SPTBN1: variants seen among roughly 807,000 people sequenced by gnomAD.
SPTBN1 encodes spectrin beta chain, non-erythrocytic 1.
SPTBN1 carries 32 observed loss-of-function variants against 266.4 expected under a neutral mutation model. The ratio of observed to expected loss-of-function variants is 0.12; its 90% CI spans 0.09 to 0.16. The LOEUF is 0.16. Ranked by LOEUF, SPTBN1 falls within the 10% of genes least tolerant of loss-of-function variation. The pLI, the probability that SPTBN1 is intolerant of heterozygous loss-of-function variation, is 1.00. For missense variants in SPTBN1, 2,296 were observed against 3,067.1 expected (o/e 0.75, Z 5.94); for synonymous variants, 1,336 against 1,162.2 (o/e 1.15, Z -3.04).
At position 54,624,983 on chromosome 2, in the gene SPTBN1, A is replaced by G. The variant is rs776937447; in HGVS notation, c.1341+21A>G. 3 of 1,561,310 alleles carry G rather than the reference A, an allele frequency of 1.9e-6. No individual in the cohort carries two copies. The South Asian group carries it at 3.7e-5, about 19-fold the overall frequency. The stretch of plus-strand genomic sequence containing the variant: ...CTCAGGTTCTGCTCTTGACATTATT[A>G]AAAAGACTGTTGCTAGGGTAATCTA... On this transcript the variant is annotated intron_variant, in intron 11 of 35. Transcript: ENST00000356805.
chr2:54,662,108 G>A (rs1000748271), intron 32 of SPTBN1: 107 of 985,206 alleles, frequency 1.1e-4, no homozygotes, highest in Admixed American at 1.8e-4. Context: ...TAAGTATCTC[G>A]GGTGTGCCCA....
At chr2:54,650,940 A>G (rs1157103256) in intron 26 of SPTBN1, among the ~76,000 whole-genome samples, 1 of 152,202 alleles carries the variant, frequency 6.6e-6, no homozygotes, top group Admixed American at 6.5e-5. Flanking sequence ...GACCACCTTG[A>G]TAGTTGTTCT....
rs1456386581 is a variant in SPTBN1, at chr2:54,671,281, T to C, written c.*2712T>C. ...ACTGTGCTTCTTACAATTCCTGGCA[T>C]CTTGAGTAGGTGAAACACTGTATCA... is the stretch of plus-strand genomic sequence containing the variant. On this transcript the variant is annotated 3_prime_UTR_variant, in exon 36 of 36. Transcript: ENST00000356805. The C allele has an allele frequency of 6.5e-6, 1 of 152,842 alleles. No individual in the cohort carries two copies. Among genetic ancestry groups the C allele is most frequent in the Non-Finnish European group, 1.5e-5 (1 of 68,530 alleles). The allele number at this position is 152,842 out of a possible 1,614,324, so 9.5% of individuals were successfully genotyped here. A position where few individuals can be genotyped will look rare whatever the true frequency, so the allele number is the denominator to read the frequency against.
chr2:54,556,089 A>T (rs1672850358), intron 2 of SPTBN1, among the ~76,000 whole-genome samples: 1 of 152,230 alleles, frequency 6.6e-6, no homozygotes, highest in Admixed American at 6.5e-5. Flanking sequence ...AAATACTGTA[A>T]ATACAGAACA....
intron 17 of SPTBN1, among the ~76,000 whole-genome samples, chr2:54,633,823 C>A (rs1245188592): frequency 6.6e-6 from 1 of 152,174 alleles, no homozygotes; most frequent in Non-Finnish European, 1.5e-5. Context: ...GGGGATTACT[C>A]TGTTTCCAAT....
chr2:54,577,210 A>G (rs1478609230), intron 2 of SPTBN1, among the ~76,000 whole-genome samples: 1 of 152,202 alleles, frequency 6.6e-6, no homozygotes, highest in Non-Finnish European at 1.5e-5. Flanking sequence ...TGGACAAGTG[A>G]CTTGCATTTC....
chr2:54,488,888 A>C (rs947003035), intron 1 of SPTBN1, among the ~76,000 whole-genome samples: 1 of 152,198 alleles, frequency 6.6e-6, no homozygotes, highest in African/African-American at 2.4e-5. Context: ...AATAAGTGCC[A>C]TGGCAAAAAT....
At chr2:54,518,672 C>T (rs191771252) in intron 1 of SPTBN1, among the ~76,000 whole-genome samples, 122 of 152,254 alleles carry the variant, frequency 8.0e-4, no homozygotes, top group Non-Finnish European at 1.4e-3. Flanking sequence ...GTTTGCAGAA[C>T]ATTTGGGTCT....
At chr2:54,576,544 G>A (rs945244886) in intron 2 of SPTBN1, among the ~76,000 whole-genome samples, 1 of 152,128 alleles carries the variant, frequency 6.6e-6, no homozygotes, top group Non-Finnish European at 1.5e-5. Context: ...ATCCTGGAAG[G>A]CCGTTGCTTA....
At chr2:54,568,489 T>A (rs1673827726) in intron 2 of SPTBN1, among the ~76,000 whole-genome samples, 1 of 152,166 alleles carries the variant, frequency 6.6e-6, no homozygotes, top group Non-Finnish European at 1.5e-5. Flanking sequence ...AACTGGATTA[T>A]TTTAACTAAA....
At chr2:54,644,786 T>C (rs1301837706) in intron 20 of SPTBN1, among the ~76,000 whole-genome samples, 200 bp downstream of exon 20, 1 of 152,178 alleles carries the variant, frequency 6.6e-6, no homozygotes, top group African/African-American at 2.4e-5. Context: ...AAAGACACAG[T>C]ATTAGGAGTA....
At chr2:54,610,735 C>T (rs2103786175) in intron 3 of SPTBN1, among the ~76,000 whole-genome samples, 1 of 152,322 alleles carries the variant, frequency 6.6e-6, no homozygotes, top group African/African-American at 2.4e-5. Context: ...ACATAGCAAG[C>T]AGTTCATCCT....
At position 54,599,251 on chromosome 2, in the gene SPTBN1, G is replaced by T; in HGVS notation, c.300+8G>T. ...CTCTCTGGAGAGAGGCTGGTGAGTG[G>T]AGACCTTAGGAAGTGCCGTGTGTTG... On this transcript the variant is annotated splice_region_variant and intron_variant, in intron 3 of 35. Coordinates refer to ENST00000356805, the MANE Select transcript of SPTBN1 (RefSeq NM_003128.3). 6.2e-7 allele frequency: 1 copy of T among 1,613,764 alleles called. No homozygotes were observed. The highest frequency in any genetic ancestry group is 1.1e-5 in the South Asian group (1 of 91,006).
Position 54,617,724 on chromosome 2 carries a change from T to C in SPTBN1, c.647+36T>C, listed in dbSNP as rs765651322. ...ACAAATCATCCTAGCAATCGTGGGG[T>C]AAAAGGTTGCTGTCCTTCCATAGCA... On this transcript the variant is annotated intron_variant, in intron 6 of 35. Transcript: ENST00000356805. 5 of 1,600,622 alleles carry C rather than the reference T, an allele frequency of 3.1e-6. No homozygotes were observed. In the East Asian group the frequency reaches 1.1e-4, roughly 36 times the overall value.
intron 17 of SPTBN1, 45 bp downstream of exon 17, chr2:54,632,813 T>C: frequency 1.3e-6 from 2 of 1,595,436 alleles, no homozygotes; most frequent in Non-Finnish European, 1.7e-6. Flanking sequence ...ACCTTGGGGC[T>C]CTCAAACTTC....
chr2:54,532,261 C>T (rs1163831811), intron 2 of SPTBN1, among the ~76,000 whole-genome samples: 3 of 152,118 alleles, frequency 2.0e-5, no homozygotes, highest in African/African-American at 7.2e-5. Context: ...TGCACTCCAG[C>T]CCGGGCGACA....
At chr2:54,549,933 G>A (rs1186139350) in intron 2 of SPTBN1, among the ~76,000 whole-genome samples, 2 of 152,184 alleles carry the variant, frequency 1.3e-5, no homozygotes, top group African/African-American at 4.8e-5. Flanking sequence ...TCTTGTGTTG[G>A]GCACAGTATC....
chr2:54,520,566 G>A (rs576739707), intron 1 of SPTBN1: 1 of 152,288 alleles, frequency 6.6e-6, no homozygotes, highest in African/African-American at 2.4e-5. Context: ...TTCATAGGAT[G>A]TAGGATTAGA....
At chr2:54,467,250 G>A (rs548374995) in intron 1 of SPTBN1, among the ~76,000 whole-genome samples, 1 of 151,058 alleles carries the variant, frequency 6.6e-6, no homozygotes, top group East Asian at 1.9e-4. Flanking sequence ...TTTTTTGGGG[G>A]TGGGGGGGCT....
Sources: gnomAD v4.1 joint callset for allele counts (sites outside exome capture counted in the v4.1 genomes callset) on GRCh38, gnomAD v4.1.1 for gene constraint, MANE v1.5 for transcripts, NCBI Gene and HGNC (gene_info 2026-07-23, HGNC 2026-07-21) for gene names.